The following KCNMA1 variants were observed in gnomAD, a reference collection of about 807,000 sequenced individuals.
KCNMA1 encodes potassium calcium-activated channel subfamily M alpha 1.
In KCNMA1, 29 loss-of-function variants were observed where a neutral mutation model predicts 140.0. The ratio of observed to expected loss-of-function variants is 0.21; its 90% CI spans 0.15 to 0.28. KCNMA1 has a LOEUF of 0.28. KCNMA1 is among the 10% of genes least tolerant of loss of function. The pLI is 1.00. For synonymous variants in KCNMA1, 612 were observed against 611.9 expected, an observed-to-expected ratio of 1.00 and a Z score of 0.00; for missense variants, 880 against 1,602.2, an observed-to-expected ratio of 0.55 and a Z score of 7.70.
intron 6 of KCNMA1, among the ~76,000 whole-genome samples, chr10:77,115,319 T>A (rs887311097): frequency 5.3e-5 from 8 of 152,234 alleles, no homozygotes; most frequent in Admixed American, 2.0e-4. Flanking sequence ...AGTTACCAGA[T>A]TATAATAATT....
Position 76,914,863 on chromosome 10 carries a change from C to A in KCNMA1, c.3016+73G>T, listed in dbSNP as rs2288838. The A allele has an allele frequency of 0.011, 12,089 of 1,149,578 alleles. 102 individuals carry two copies. Among genetic ancestry groups the A allele is most frequent in the Non-Finnish European group, 0.011 (8,271 of 758,702 alleles). 71.2% of individuals were successfully genotyped at this position (1,149,578 alleles called of 1,614,324 possible). A position where few individuals can be genotyped will look rare whatever the true frequency, so the allele number is the denominator to read the frequency against. On this transcript the variant is annotated intron_variant, in intron 24 of 27. Transcript: ENST00000286628. ...AAAGTTGAAAGGGCTAAGAAATAAA[C>A]CAACCTCCTCATATCCTGTATGGTT... is the stretch of plus-strand genomic sequence containing the variant.
intron 2 of KCNMA1, among the ~76,000 whole-genome samples, chr10:77,258,009 A>C (rs1286768665): frequency 6.6e-6 from 1 of 152,246 alleles, no homozygotes; most frequent in Admixed American, 6.5e-5. Context: ...GGAAGAGCAC[A>C]GGACACAGAA....
In KCNMA1 at chr10:77,383,256, C is replaced by G. The variant is rs1456807940; in HGVS notation, c.540+20606G>C. Among the ~76,000 whole-genome samples the G allele has an allele frequency of 2.0e-5, 3 of 151,788 alleles. No homozygotes were observed. The East Asian group carries it at 5.8e-4, about 29-fold the overall frequency. On this transcript the variant is annotated intron_variant, in intron 2 of 27. Coordinates refer to ENST00000286628, the MANE Select transcript of KCNMA1 (RefSeq NM_001161352.2). ...AGACCTCGATTAGTCTGAGCAAGCC[C>G]TGGTGCTCTCATTCTTATGCCAACA...
chr10:77,019,203 C>G (rs1169243207), intron 16 of KCNMA1, 104 bp from the exon 17 acceptor site: 2 of 722,496 alleles, frequency 2.8e-6, no homozygotes, highest in Admixed American at 2.0e-5. Flanking sequence ...AGGGGGCCCA[C>G]TAGTCTAAAG....
At chr10:77,457,055 C>T (rs995024167) in intron 1 of KCNMA1, among the ~76,000 whole-genome samples, 6 of 152,136 alleles carry the variant, frequency 3.9e-5, no homozygotes, top group Non-Finnish European at 1.5e-5. Context: ...AATGCATGTG[C>T]TTACATAGAG....
At position 76,953,902 on chromosome 10, in the gene KCNMA1, C is replaced by T; in HGVS notation, c.2383G>A (p.Gly795Ser). Residue 795 changes from glycine to serine, a missense_variant, in exon 21 of 28, where the codon GGC becomes AGC. Transcript: ENST00000286628. ...TCCATGTTGTCAATCTGATCATTGC[C>T]AGGAATTAACAAGGGGTCATGCCTG... ...LMRHDPLLIPGNDQIDNMDSN... is the reference protein window; with the variant it reads ...LMRHDPLLIPSNDQIDNMDSN... 2 of 1,614,010 alleles carry T rather than the reference C, an allele frequency of 1.2e-6. No individual in the cohort carries two copies. The highest frequency in any genetic ancestry group is 1.7e-6 in the Non-Finnish European group (2 of 1,179,950).
chr10:77,506,332 C>A (rs192151648), intron 1 of KCNMA1, among the ~76,000 whole-genome samples: 1 of 152,094 alleles, frequency 6.6e-6, no homozygotes, highest in Non-Finnish European at 1.5e-5. Context: ...AAGGGAGCCC[C>A]CCTACTCTGG....
chr10:77,206,083 C>T (rs569710171), intron 3 of KCNMA1, among the ~76,000 whole-genome samples: 1 of 152,220 alleles, frequency 6.6e-6, no homozygotes, highest in Non-Finnish European at 1.5e-5. Flanking sequence ...TGAGTGGGTC[C>T]ATTTGCAAAT....
At chr10:77,537,580 T>C (rs1309295243) in intron 1 of KCNMA1, among the ~76,000 whole-genome samples, 1 of 152,218 alleles carries the variant, frequency 6.6e-6, no homozygotes, top group Non-Finnish European at 1.5e-5. Context: ...CTCTATTTCT[T>C]CTTAGAGTTT....
chr10:77,382,045 A>C (rs1166366082), intron 2 of KCNMA1, among the ~76,000 whole-genome samples: 1 of 152,142 alleles, frequency 6.6e-6, no homozygotes, highest in Non-Finnish European at 1.5e-5. Context: ...AAGGCTCAGG[A>C]GGAGGCCCTT....
intron 1 of KCNMA1, among the ~76,000 whole-genome samples, chr10:77,468,628 C>G (rs186763501): frequency 1.3e-5 from 2 of 152,228 alleles, no homozygotes; most frequent in Non-Finnish European, 2.9e-5. Flanking sequence ...CTTCACAACC[C>G]AGAGAAGGAA....
At chr10:77,138,009 C>G (rs1350351178) in intron 5 of KCNMA1, among the ~76,000 whole-genome samples, 1 of 152,122 alleles carries the variant, frequency 6.6e-6, no homozygotes, top group Admixed American at 6.6e-5. Flanking sequence ...AGTCCTGGTT[C>G]CTGTTCTGAT....
In KCNMA1 at chr10:77,019,074, G is replaced by A; in HGVS notation, c.1954C>T (p.Leu652Phe). ...SRILINPGNHLKIQEGTLGFF... is the reference protein window; with the variant it reads ...SRILINPGNHFKIQEGTLGFF... ...CCTAAAGTACCTTCTTGGATCTTAA[G>A]ATGGTTTCCAGGATTAATTAATATA... Residue 652 changes from leucine (L) to phenylalanine (F), a missense_variant, in exon 17 of 28, where the codon CTT becomes TTT. Around this residue, in one of 13 missense-constraint regions of KCNMA1, gnomAD observed 196 missense variants for 233.0 expected, o/e 0.84. Coordinates refer to ENST00000286628, the MANE Select transcript of KCNMA1 (RefSeq NM_001161352.2). The A allele has an allele frequency of 6.3e-7, 1 of 1,585,906 alleles. No homozygotes were observed. Among genetic ancestry groups the A allele is most frequent in the Non-Finnish European group, 8.7e-7 (1 of 1,154,656 alleles).
At chr10:77,430,484 C>T (rs192581072) in intron 1 of KCNMA1, among the ~76,000 whole-genome samples, 3 of 152,306 alleles carry the variant, frequency 2.0e-5, no homozygotes, top group African/African-American at 7.2e-5. Context: ...TGGGCTCATC[C>T]TCAACCTTGG....
At chr10:76,999,043 A>G (rs2085311764) in intron 19 of KCNMA1, among the ~76,000 whole-genome samples, 2 of 152,224 alleles carry the variant, frequency 1.3e-5, no homozygotes, top group Admixed American at 6.5e-5. Flanking sequence ...CACGCAGCCC[A>G]AAGCTCCACG....
intron 3 of KCNMA1, among the ~76,000 whole-genome samples, chr10:77,202,183 C>T (rs1178008470): frequency 6.6e-6 from 1 of 152,138 alleles, no homozygotes; most frequent in East Asian, 1.9e-4. Context: ...AGGTATAATA[C>T]TGTGTTCAAT....
chr10:77,324,058 G>A (rs768691907), intron 2 of KCNMA1, among the ~76,000 whole-genome samples: 1 of 152,204 alleles, frequency 6.6e-6, no homozygotes, highest in Non-Finnish European at 1.5e-5. Flanking sequence ...GGATTCTGGT[G>A]GTAAGGATGG....
Position 77,066,469 on chromosome 10 carries a change from G to A in KCNMA1, c.1749+6628C>T, listed in dbSNP as rs555509849. ...AGTAAAATGAGCAAAGAACAGGTTT[G>A]TGGACAAAGAAAAGGAATTCGATTG... On this transcript the variant is annotated intron_variant, in intron 14 of 27. Transcript: ENST00000286628. Among the ~76,000 whole-genome samples the A allele has an allele frequency of 2.0e-5, 3 of 152,318 alleles. No homozygotes were observed. In the South Asian group the frequency reaches 6.2e-4, roughly 32 times the overall value.
chr10:76,875,291 C>T (rs1439502703), downstream of KCNMA1: 5 of 152,144 alleles, frequency 3.3e-5, no homozygotes, highest in Non-Finnish European at 5.9e-5. Flanking sequence ...AACGGCAACA[C>T]AGTATGAACT....
Sources: allele counts gnomAD v4.1 joint callset (sites outside exome capture counted in the v4.1 genomes callset), GRCh38; gene constraint gnomAD v4.1.1; regional missense constraint gnomAD v4.1.1; transcripts MANE v1.5; gene names NCBI Gene and HGNC (gene_info 2026-07-23, HGNC 2026-07-21).